MYO3A: variants seen among roughly 807,000 people sequenced by gnomAD.
MYO3A encodes the protein myosin IIIA, also known as myosin-IIIa.
In MYO3A, 180 loss-of-function variants were observed where a neutral mutation model predicts 192.7. The observed-to-expected ratio is 0.93, with a 90% CI of 0.83 to 1.06. The LOEUF is 1.06. Ranked by LOEUF, MYO3A falls within the 50% of genes least tolerant of loss-of-function variation. The probability of loss-of-function intolerance (pLI) is 0.00; values close to 1 mark genes in which losing one functional copy is unlikely to be tolerated. For synonymous variants in MYO3A, 628 were observed against 645.3 expected (o/e 0.97, Z 0.41); for missense variants, 1,896 against 1,905.0 (o/e 1.00, Z 0.09).
chr10:26,164,353 C>T (rs1331958255), intron 26 of MYO3A, among the ~76,000 whole-genome samples: 1 of 148,028 alleles, frequency 6.8e-6, no homozygotes, highest in Admixed American at 6.8e-5. Context: ...GAGATGGCCT[C>T]TAGAACACAG....
rs143501410 is a variant in MYO3A at position 25,954,983 on chromosome 10, G to A, written c.278G>A (p.Gly93Glu). ...GIYFKKDKVN[G>E]DKLWLVLELC... is the part of the protein sequence containing the mutation. ...TACTTTAAGAAGGATAAAGTAAATG[G>A]AGACAAGCTGTGGTTGGTTCTTGAG... The change falls in exon 4 of 35, where the codon GGA (glycine) becomes GAA (glutamate). Residue 93 changes from glycine to glutamate, a missense_variant. By Grantham distance (98) the Gly-to-Glu change is moderately conservative. Coordinates refer to ENST00000642920, the MANE Select transcript of MYO3A (RefSeq NM_017433.5). 3.1e-6 allele frequency: 5 copies of A among 1,612,926 alleles called. No individual in the cohort carries two copies. The African/African-American group carries it at 5.3e-5, about 17-fold the overall frequency.
At chr10:26,018,928 T>C (rs954574422) in intron 7 of MYO3A, among the ~76,000 whole-genome samples, 26 of 152,224 alleles carry the variant, frequency 1.7e-4, no homozygotes, top group Non-Finnish European at 2.8e-4. Context: ...AACAAAGTTA[T>C]ATTAGACAAC....
Position 26,196,570 on chromosome 10 carries a change from G to A in MYO3A, c.4545+3259G>A, listed in dbSNP as rs78824183. ...ATTATTACAAGTGAAGATATACCAC[G>A]TGTTCATATTTATCTGGCCCTTCCC... is the stretch of plus-strand genomic sequence containing the variant. On this transcript the variant is annotated intron_variant, in intron 32 of 34. Transcript: ENST00000642920. Among the ~76,000 whole-genome samples the A allele has an allele frequency of 3.2e-3, 493 of 152,196 alleles. 1 individual carries two copies. Among genetic ancestry groups the A allele is most frequent in the Non-Finnish European group, 5.8e-3 (394 of 68,022 alleles).
chr10:25,971,071 C>T lies in MYO3A; in HGVS notation c.303+16063C>T, dbSNP rs140402932. On this transcript the variant is annotated intron_variant, in intron 4 of 34. Transcript: ENST00000642920. Reference sequence around the variant, plus strand: ...TTCATTTTCATTCTGTATTGTTATACACATTGTATCAGTAAATAGTAGAAC... The same window carrying T: ...TTCATTTTCATTCTGTATTGTTATATACATTGTATCAGTAAATAGTAGAAC... Among the ~76,000 whole-genome samples the T allele has an allele frequency of 1.8e-3, 278 of 152,096 alleles. 1 individual carries two copies. The highest frequency in any genetic ancestry group is 4.4e-3 in the African/African-American group (182 of 41,538).
At chr10:26,101,732 T>G (rs1054178533) in intron 17 of MYO3A, among the ~76,000 whole-genome samples, 2 of 152,222 alleles carry the variant, frequency 1.3e-5, no homozygotes, top group Non-Finnish European at 2.9e-5. Flanking sequence ...GCCCCCACTC[T>G]TTTCTGGCTT....
chr10:25,937,785 C>T (rs536320223), intron 2 of MYO3A, among the ~76,000 whole-genome samples: 2 of 152,214 alleles, frequency 1.3e-5, no homozygotes, highest in East Asian at 3.9e-4. Flanking sequence ...TTTGTATTTC[C>T]TCTTTGCAAA....
chr10:26,112,731 A>G (rs957438633), intron 17 of MYO3A, among the ~76,000 whole-genome samples: 18 of 152,228 alleles, frequency 1.2e-4, no homozygotes, highest in African/African-American at 4.3e-4. Context: ...GCACAATCCA[A>G]AGGAATGACA....
At chr10:26,002,295 G>A (rs545647619) in intron 6 of MYO3A, among the ~76,000 whole-genome samples, 7 of 152,202 alleles carry the variant, frequency 4.6e-5, no homozygotes, top group South Asian at 2.1e-4. Context: ...AATAGCACTC[G>A]AATATAATTC....
intron 26 of MYO3A, 48 bp from the exon 27 acceptor site, chr10:26,166,019 A>G: frequency 6.9e-7 from 1 of 1,456,300 alleles, no homozygotes; most frequent in East Asian, 2.3e-5. Context: ...AGCTACAGAG[A>G]TGTTGGCACT....
rs763188102 is a variant in MYO3A at position 26,088,298 on chromosome 10, C to G, written c.1455C>G (p.Ser485Arg). Residue 485 changes from serine to arginine, a missense_variant, in exon 15 of 35, where the codon AGC becomes AGG. Coordinates refer to ENST00000642920, the MANE Select transcript of MYO3A (RefSeq NM_017433.5). The stretch of plus-strand genomic sequence containing the variant: ...GCACTATTATAAATGACAATTCTAG[C>G]AGATTTGGAAAATACTTAGAAATGA... The part of the protein sequence containing the change: ...NACTIINDNS[S>R]RFGKYLEMKF... The G allele has an allele frequency of 6.2e-7, 1 of 1,613,570 alleles. No homozygotes were observed. The highest frequency in any genetic ancestry group is 1.7e-5 in the Admixed American group (1 of 60,020).
chr10:26,141,544 T>C (rs1177414702), intron 20 of MYO3A, among the ~76,000 whole-genome samples: 3 of 152,144 alleles, frequency 2.0e-5, no homozygotes, highest in Non-Finnish European at 4.4e-5. Context: ...CACAGGCAAA[T>C]AGAAATGACA....
At position 26,073,047 on chromosome 10, in the gene MYO3A, G is replaced by A. The variant is rs1835306412; in HGVS notation, c.1359+2646G>A. Among the ~76,000 whole-genome samples, 6 of 152,078 alleles carry A rather than the reference G, an allele frequency of 3.9e-5. No individual in the cohort carries two copies. The South Asian group carries it at 1.0e-3, about 26-fold the overall frequency. ...GTTCAAGACCAGCCTGGGCAACATA[G>A]CAAGACCTCTATGAAAAAATTTAAA... On this transcript the variant is annotated intron_variant, in intron 14 of 34. Transcript: ENST00000642920.
chr10:25,938,591 T>C (rs956383695), intron 2 of MYO3A, among the ~76,000 whole-genome samples: 23 of 152,202 alleles, frequency 1.5e-4, no homozygotes, highest in African/African-American at 5.5e-4. Flanking sequence ...GTAATCCTTA[T>C]GTGATGCAGT....
intron 4 of MYO3A, among the ~76,000 whole-genome samples, chr10:25,981,485 T>C (rs539019684): frequency 6.6e-6 from 1 of 152,170 alleles, no homozygotes; most frequent in Admixed American, 6.5e-5. Flanking sequence ...AAAAGACACT[T>C]AAAATAAAAG....
intron 10 of MYO3A, among the ~76,000 whole-genome samples, chr10:26,061,911 G>A (rs1834506250): frequency 6.6e-6 from 1 of 152,048 alleles, no homozygotes; most frequent in Non-Finnish European, 1.5e-5. Flanking sequence ...TTCCTCTTTT[G>A]TCTTAAAAAG....
chr10:25,973,941 C>G (rs1838815834), intron 4 of MYO3A, among the ~76,000 whole-genome samples: 2 of 152,036 alleles, frequency 1.3e-5, no homozygotes, highest in African/African-American at 4.8e-5. Flanking sequence ...GAAATTAATG[C>G]AAGATGGATT....
At chr10:26,179,790 G>A (rs905525446) in intron 31 of MYO3A, among the ~76,000 whole-genome samples, 7 of 152,148 alleles carry the variant, frequency 4.6e-5, no homozygotes, top group Non-Finnish European at 8.8e-5. Context: ...TAGAACAAAA[G>A]TCTAACAATA....
chr10:26,179,641 G>C (rs985370597), intron 31 of MYO3A, among the ~76,000 whole-genome samples: 23 of 152,184 alleles, frequency 1.5e-4, no homozygotes, highest in Admixed American at 1.4e-3. Flanking sequence ...CTCCAACAAA[G>C]GTTCCAAGAA....
In MYO3A at chr10:26,176,816, G is replaced by A; in HGVS notation, c.4409G>A (p.Arg1470Lys). ...LGVSHHKPIN[R>K]RVSSQQCLSG... Reference sequence around the variant, plus strand: ...GTCTCGCACCATAAGCCAATTAATAGACGAGTTTCTTCTCAGCAGTGCCTC... The same window carrying A: ...GTCTCGCACCATAAGCCAATTAATAAACGAGTTTCTTCTCAGCAGTGCCTC... The change falls in exon 31 of 35, where the codon AGA becomes AAA. Residue 1470 changes from arginine to lysine, a missense_variant. By Grantham distance (26) the Arg-to-Lys change is conservative (BLOSUM62 2). Coordinates refer to ENST00000642920, the MANE Select transcript of MYO3A (RefSeq NM_017433.5). The A allele has an allele frequency of 6.2e-7, 1 of 1,614,132 alleles. No homozygotes were observed. The highest frequency in any genetic ancestry group is 8.5e-7 in the Non-Finnish European group (1 of 1,180,016).
Sources: allele counts gnomAD v4.1 joint callset (sites outside exome capture counted in the v4.1 genomes callset), GRCh38; gene constraint gnomAD v4.1.1; transcripts MANE v1.5; gene names NCBI Gene and HGNC (gene_info 2026-07-23, HGNC 2026-07-21).